The following SPATA31C1 variants were observed in gnomAD, a reference collection of about 807,000 sequenced individuals.
SPATA31C1 encodes the protein spermatogenesis-associated protein 31C1.
chr9:87,923,197 G>A (rs1247205828), exon 5 of SPATA31C1: 3 of 1,603,164 alleles, frequency 1.9e-6, no homozygotes, highest in East Asian at 4.5e-5. Flanking sequence ...CCAGTCTGTG[G>A]GTTTCCCTGC....
exon 5 of SPATA31C1, chr9:87,920,757 G>A (rs745946521): frequency 1.1e-5 from 17 of 1,613,812 alleles, no homozygotes; most frequent in Middle Eastern, 1.6e-4. Flanking sequence ...AGGCCTTGGC[G>A]GCTCAAACAG....
chr9:87,921,017 A>G lies in SPATA31C1; in HGVS notation n.1407A>G, dbSNP rs766606041. 2.5e-6 allele frequency: 4 copies of G among 1,612,108 alleles called. No individual in the cohort carries two copies. In the South Asian group the frequency reaches 3.3e-5, roughly 13 times the overall value. On this transcript the variant is annotated non_coding_transcript_exon_variant, in exon 5 of 5. Coordinates refer to ENST00000420021, the Ensembl canonical transcript of SPATA31C1. ...ATCTTCAATCCTCTTTCCCAGTCCT[A>G]TCTCCTGCTTTTCTATCCCCGATGA...
exon 5 of SPATA31C1, chr9:87,921,964 T>C: frequency 6.2e-7 from 1 of 1,612,800 alleles, no homozygotes; most frequent in Non-Finnish European, 8.5e-7. Context: ...GTTTCATCCT[T>C]GTCCCTTATA....
chr9:87,922,570 A>G (rs764018448), exon 5 of SPATA31C1: 1 of 1,609,790 alleles, frequency 6.2e-7, no homozygotes, highest in South Asian at 1.1e-5. Context: ...CTCCTTCCAG[A>G]TGGGCAAGCA....
At chr9:87,920,453 A>G (rs1436032253) in exon 5 of SPATA31C1, 1 of 1,613,836 alleles carries the variant, frequency 6.2e-7, no homozygotes, top group Non-Finnish European at 8.5e-7. Context: ...CCACCCCACC[A>G]CCAGGCCCAA....
intron 1 of SPATA31C1, among the ~76,000 whole-genome samples, chr9:87,916,171 C>G (rs1252415402): frequency 7.1e-6 from 1 of 140,644 alleles, no homozygotes; most frequent in Non-Finnish European, 1.6e-5. Flanking sequence ...GATCAGATAT[C>G]ACCTGGGGAT....
At chr9:87,920,390 CT>C in exon 5 of SPATA31C1, 1 of 1,613,996 alleles carries the variant, frequency 6.2e-7, no homozygotes, top group Admixed American at 1.7e-5. Context: ...CTCCCATTGT[CT>C]CCCCGTTAGC....
chr9:87,917,141 G>C (rs1200877621), intron 1 of SPATA31C1, among the ~76,000 whole-genome samples: 1 of 140,608 alleles, frequency 7.1e-6, no homozygotes, highest in Non-Finnish European at 1.6e-5. Flanking sequence ...GATGGGCGCA[G>C]TGGCTCATGC....
exon 5 of SPATA31C1, chr9:87,921,564 T>G (rs779037799): frequency 1.4e-5 from 22 of 1,611,250 alleles, no homozygotes; most frequent in Non-Finnish European, 1.9e-5. Flanking sequence ...CTCTGAGGAG[T>G]CAGAAAGGAA....
At chr9:87,921,894 C>T (rs752156148) in exon 5 of SPATA31C1, 13 of 1,611,934 alleles carry the variant, frequency 8.1e-6, no homozygotes, top group Non-Finnish European at 1.1e-5. Flanking sequence ...TTGGGCCAAA[C>T]ACAGGTGGGG....
rs776349774 is a variant in SPATA31C1, at chr9:87,920,339, T to C, written n.729T>C. On this transcript the variant is annotated non_coding_transcript_exon_variant, in exon 5 of 5. Transcript: ENST00000420021. The stretch of plus-strand genomic sequence containing the variant: ...GTGAGGTGGGCAAAAGAACACCTGA[T>C]GGAGCCTCCCGGTCCTCTCATGAGC... 5.0e-6 allele frequency: 8 copies of C among 1,613,996 alleles called. No individual in the cohort carries two copies. The South Asian group carries it at 7.7e-5, about 16-fold the overall frequency.
chr9:87,923,232 G>C (rs1456643515), exon 5 of SPATA31C1: 3 of 1,603,410 alleles, frequency 1.9e-6, no homozygotes, highest in South Asian at 2.2e-5. Context: ...GTTCTACTCA[G>C]ACCACAGCAG....
chr9:87,917,228 G>A (rs1263701204), intron 1 of SPATA31C1, among the ~76,000 whole-genome samples: 24 of 142,620 alleles, frequency 1.7e-4, no homozygotes, highest in East Asian at 4.2e-4. Context: ...TGGCTAACAC[G>A]GTGAAACCCC....
exon 5 of SPATA31C1, chr9:87,920,932 T>C: frequency 6.2e-7 from 1 of 1,613,104 alleles, no homozygotes; most frequent in Non-Finnish European, 8.5e-7. Context: ...TCCCAACCCT[T>C]TATTTCATCC....
chr9:87,920,715 G>C (rs1828832285), exon 5 of SPATA31C1: 1 of 1,614,004 alleles, frequency 6.2e-7, no homozygotes, highest in African/African-American at 1.3e-5. Context: ...GTCTCCACGT[G>C]AGGATTTGGC....
intron 4 of SPATA31C1, 126 bp from the exon 4 acceptor site, chr9:87,920,126 G>C: frequency 1.3e-6 from 2 of 1,598,204 alleles, no homozygotes; most frequent in Non-Finnish European, 1.7e-6. Context: ...CAGGAGAATT[G>C]GGTGGTCAGG....
In SPATA31C1 at chr9:87,915,531, C is replaced by A. The variant is rs979557309; in HGVS notation, n.189+821C>A. Among the ~76,000 whole-genome samples the A allele has an allele frequency of 1.4e-4, 21 of 145,326 alleles. 2 individuals are homozygous for A. The highest frequency in any genetic ancestry group is 5.0e-4 in the African/African-American group (20 of 39,734). On this transcript the variant is annotated intron_variant and non_coding_transcript_variant, in intron 1 of 4. Coordinates refer to ENST00000420021, the Ensembl canonical transcript of SPATA31C1. The stretch of plus-strand genomic sequence containing the variant: ...GGCCAGGCTGGTCTCAAACTCTTGA[C>A]TTTAGGTGATCCACCTGCCTCGGCC...
At chr9:87,920,788 G>A (rs1828836147) in exon 5 of SPATA31C1, 3 of 1,613,910 alleles carry the variant, frequency 1.9e-6, no homozygotes, top group Non-Finnish European at 2.5e-6. Flanking sequence ...GCCCTCTCCT[G>A]GTCGCAGGAG....
At chr9:87,917,154 G>A (rs1828749576) in intron 1 of SPATA31C1, among the ~76,000 whole-genome samples, 1 of 140,914 alleles carries the variant, frequency 7.1e-6, no homozygotes, top group Admixed American at 7.5e-5. Flanking sequence ...GCTCATGCCT[G>A]TAATCCCAGC....
Sources: allele counts gnomAD v4.1 joint callset (sites outside exome capture counted in the v4.1 genomes callset), GRCh38; gene constraint gnomAD v4.1.1; transcripts MANE v1.5; gene names NCBI Gene and HGNC (gene_info 2026-07-23, HGNC 2026-07-21).